The following HADH variants were observed in gnomAD, a reference collection of about 807,000 sequenced individuals.
The protein encoded by HADH is hydroxyacyl-coenzyme A dehydrogenase, mitochondrial.
A neutral mutation model predicts 32.2 loss-of-function variants in HADH; 24 were observed. The observed-to-expected ratio is 0.75, with a 90% CI of 0.54 to 1.05. The LOEUF (loss-of-function observed/expected upper bound fraction) is 1.05. Ranked by LOEUF, HADH falls within the 50% of genes least tolerant of loss-of-function variation. The pLI is 0.00. For missense variants in HADH, 350 were observed against 397.1 expected, an observed-to-expected ratio of 0.88 and a Z score of 1.01; for synonymous variants, 139 against 152.5, an observed-to-expected ratio of 0.91 and a Z score of 0.65.
intron 7 of HADH, 86 bp downstream of exon 7, chr4:108,033,378 G>A (rs1019339607): frequency 7.5e-6 from 6 of 801,120 alleles, no homozygotes; most frequent in African/African-American, 3.4e-5. Flanking sequence ...AAAGTTAGCA[G>A]GGGTCTTAAT....
chr4:107,994,867 A>C (rs1484238395), intron 1 of HADH, among the ~76,000 whole-genome samples: 1 of 152,216 alleles, frequency 6.6e-6, no homozygotes, highest in Non-Finnish European at 1.5e-5. Context: ...AGATACTGTC[A>C]TTCCTAGAGG....
chr4:107,992,726 A>G (rs1734849970), intron 1 of HADH, among the ~76,000 whole-genome samples: 2 of 152,224 alleles, frequency 1.3e-5, no homozygotes, highest in African/African-American at 4.8e-5. Flanking sequence ...GAATTCATGC[A>G]TATGTCAAGC....
At chr4:108,032,263 C>A (rs551323666) in intron 6 of HADH, 4 of 1,051,192 alleles carry the variant, frequency 3.8e-6, no homozygotes, top group Non-Finnish European at 5.8e-6. Context: ...CCTCTTGGGG[C>A]CAAAGGACAT....
chr4:108,023,382 A>G (rs1320996020), intron 4 of HADH, 92 bp from the exon 5 acceptor site: 12 of 793,710 alleles, frequency 1.5e-5, no homozygotes, highest in Middle Eastern at 2.2e-4. Flanking sequence ...TTTGTTGCCT[A>G]TATGGAGCCT....
intron 1 of HADH, among the ~76,000 whole-genome samples, chr4:108,005,559 T>C (rs1735269436): frequency 6.6e-6 from 1 of 152,236 alleles, no homozygotes; most frequent in African/African-American, 2.4e-5. Flanking sequence ...ATGGTAACTG[T>C]GAATGAATTT....
chr4:108,016,683 A>G (rs1242668097), intron 3 of HADH, among the ~76,000 whole-genome samples: 2 of 152,226 alleles, frequency 1.3e-5, no homozygotes, highest in Non-Finnish European at 2.9e-5. Flanking sequence ...ATCACTGGAG[A>G]AAGTCAGGAG....
intron 1 of HADH, among the ~76,000 whole-genome samples, chr4:108,006,553 A>G (rs1735299891): frequency 6.6e-6 from 1 of 152,224 alleles, no homozygotes. Context: ...CTTGGTGAGC[A>G]TCAGAGTCAC....
At chr4:108,016,730 C>T (rs403124) in intron 3 of HADH, among the ~76,000 whole-genome samples, 1 of 152,188 alleles carries the variant, frequency 6.6e-6, no homozygotes, top group African/African-American at 2.4e-5. Context: ...CCACCTCCAG[C>T]CTTGGAAAGG....
intron 4 of HADH, among the ~76,000 whole-genome samples, chr4:108,022,189 A>ATGTGTG (rs1735909384): frequency 4.9e-5 from 7 of 141,534 alleles, no homozygotes; most frequent in Admixed American, 1.4e-4. Context: ...GTGTGTGTGT[A>ATGTGTG]TGTGTGTGTG....
intron 6 of HADH, chr4:108,028,000 A>G: frequency 1.7e-6 from 1 of 594,284 alleles, no homozygotes; most frequent in South Asian, 2.0e-5. Flanking sequence ...CACCCCCACT[A>G]CAGTCCCAGC....
Position 108,014,435 on chromosome 4 carries a change from G to A in HADH, c.266G>A (p.Gly89Asp), listed in dbSNP as rs1292646768. The change falls in exon 3 of 8, where the codon GGC (glycine) becomes GAC (aspartate). Residue 89 changes from glycine (G) to aspartate (D), a missense_variant. Coordinates refer to ENST00000309522, the MANE Select transcript of HADH (RefSeq NM_005327.7). Reference sequence around the variant, plus strand: ...TTCTTCCTCCCACTGCATTAGGCCGGCGATGAATTTGTGGAGAAGACCCTG... The same window carrying A: ...TTCTTCCTCCCACTGCATTAGGCCGACGATGAATTTGTGGAGAAGACCCTG... ...KKKFAENLKA[G>D]DEFVEKTLST... is the part of the protein sequence containing the mutation. The A allele has an allele frequency of 5.0e-6, 8 of 1,613,976 alleles. No homozygotes were observed. The highest frequency in any genetic ancestry group is 5.9e-6 in the Non-Finnish European group (7 of 1,180,014).
intron 1 of HADH, among the ~76,000 whole-genome samples, chr4:108,002,668 G>A (rs1373330011): frequency 6.6e-6 from 1 of 152,122 alleles, no homozygotes; most frequent in Non-Finnish European, 1.5e-5. Context: ...AAAAAGGTTG[G>A]GGACCTTTGC....
At chr4:108,004,820 T>C in intron 1 of HADH, 1 of 1,535,982 alleles carries the variant, frequency 6.5e-7, no homozygotes, top group South Asian at 1.2e-5. Context: ...GACCTGGGTG[T>C]CTGCTGGAGG....
At chr4:107,990,497 T>C (rs1220328532) in intron 1 of HADH, among the ~76,000 whole-genome samples, 1 of 152,228 alleles carries the variant, frequency 6.6e-6, no homozygotes, top group Non-Finnish European at 1.5e-5. Flanking sequence ...TTATTTTTGA[T>C]TTTTATTCTG....
intron 1 of HADH, among the ~76,000 whole-genome samples, chr4:107,990,305 C>T (rs1028305267): frequency 3.9e-5 from 6 of 152,202 alleles, no homozygotes; most frequent in Non-Finnish European, 5.9e-5. Context: ...ATTCTGGCTG[C>T]CCCCAGGGCC....
intron 2 of HADH, among the ~76,000 whole-genome samples, chr4:108,012,186 C>T (rs1000735612): frequency 5.9e-5 from 9 of 152,010 alleles, no homozygotes; most frequent in African/African-American, 9.7e-5. Flanking sequence ...CATAAGCCAC[C>T]GAGTCCTGCT....
intron 1 of HADH, among the ~76,000 whole-genome samples, chr4:108,001,327 T>A (rs2126221424): frequency 6.6e-6 from 1 of 152,350 alleles, no homozygotes; most frequent in South Asian, 2.1e-4. Context: ...TGAGAACGAT[T>A]GGAATTTCAG....
intron 3 of HADH, 24 bp downstream of exon 3, chr4:108,014,612 C>A: frequency 3.1e-6 from 4 of 1,270,312 alleles, no homozygotes; most frequent in South Asian, 1.3e-5. Context: ...GGACAATCTT[C>A]TTTTTTTTTT....
intron 1 of HADH, among the ~76,000 whole-genome samples, chr4:107,993,749 C>T (rs973458765): frequency 7.2e-5 from 11 of 151,952 alleles, no homozygotes; most frequent in Admixed American, 3.9e-4. Context: ...ACAAAAAATC[C>T]CTTAGACTGC....
Sources: allele counts gnomAD v4.1 joint callset (sites outside exome capture counted in the v4.1 genomes callset), GRCh38; gene constraint gnomAD v4.1.1; transcripts MANE v1.5; gene names NCBI Gene and HGNC (gene_info 2026-07-23, HGNC 2026-07-21).